Variants in STPG1 observed in about 807,000 individuals in gnomAD.
STPG1 encodes the protein O(6)-methylguanine-induced apoptosis 2.
In STPG1, 33 loss-of-function variants were observed where a neutral mutation model predicts 40.1. The observed-to-expected ratio is 0.82, with a 90% confidence interval of 0.62 to 1.10. The LOEUF (loss-of-function observed/expected upper bound fraction) is 1.10. Ranked by LOEUF, STPG1 falls within the 50% of genes least tolerant of loss-of-function variation. STPG1 has a pLI of 0.00. For synonymous variants in STPG1, 150 were observed against 155.0 expected (o/e 0.97, Z 0.24); for missense variants, 396 against 415.1 (o/e 0.95, Z 0.40).
intron 5 of STPG1, among the ~76,000 whole-genome samples, chr1:24,374,296 T>C (rs1641913969): frequency 7.7e-6 from 1 of 129,142 alleles, no homozygotes; most frequent in South Asian, 2.8e-4. Flanking sequence ...TCTTGCTCTG[T>C]CTCCCAGGCT....
Position 24,391,697 on chromosome 1 carries a change from A to T in STPG1, c.71-18T>A. ...AGTAAAACCTAAACAACAAAAATGG[A>T]GTAAAATCAAAATGAATACAAAACA... On this transcript the variant is annotated intron_variant, in intron 2 of 8. Coordinates refer to ENST00000337248, the MANE Select transcript of STPG1 (RefSeq NM_001199013.2). The T allele has an allele frequency of 2.0e-6, 3 of 1,480,822 alleles. No individual in the cohort carries two copies. The highest frequency in any genetic ancestry group is 2.8e-6 in the Non-Finnish European group (3 of 1,088,062). 91.7% of individuals were successfully genotyped at this position (1,480,822 alleles called of 1,614,324 possible). A position where few individuals can be genotyped will look rare whatever the true frequency, so the allele number is the denominator to read the frequency against.
intron 3 of STPG1, among the ~76,000 whole-genome samples, chr1:24,389,296 C>G (rs1642651186): frequency 2.0e-5 from 3 of 152,128 alleles, no homozygotes; most frequent in Non-Finnish European, 4.4e-5. Flanking sequence ...CGGTAGCTGA[C>G]ATCCTCCCCT....
In STPG1 at chr1:24,386,479, T is replaced by C. The variant is rs186815195; in HGVS notation, c.190-2476A>G. Among the ~76,000 whole-genome samples, 949 of 152,336 alleles carry C rather than the reference T, an allele frequency of 6.2e-3. 1 individual carries two copies. Among genetic ancestry groups the C allele is most frequent in the Admixed American group, 0.013 (194 of 15,306 alleles). On this transcript the variant is annotated intron_variant, in intron 3 of 8. Transcript: ENST00000337248. ...AAAAATTCCAAAATGTTGCTGCTGG[T>C]GGCTTGAAGTTGGCCACGGTGGCAG... is the stretch of plus-strand genomic sequence containing the variant.
chr1:24,358,572 CG>C lies in STPG1; in HGVS notation c.975del (p.Asn325LysfsTer45). ...AGAACCGGGATCCATTTCTTGTCCT[CG>C]TTGTAGAGGAAGGACTGCTTTCCTG... Reference protein sequence around the residue: ...ELPGKQSFLYNEDKKWIPVL With the variant: ...ELPGKQSFLYXEDKKWIPVL On this transcript the variant is annotated frameshift_variant, in exon 9 of 9. Coordinates refer to ENST00000337248, the MANE Select transcript of STPG1 (RefSeq NM_001199013.2). LOFTEE classifies it high-confidence loss of function. The C allele has an allele frequency of 6.2e-7, 1 of 1,614,100 alleles. No homozygotes were observed. Among genetic ancestry groups the C allele is most frequent in the Non-Finnish European group, 8.5e-7 (1 of 1,179,972 alleles).
intron 2 of STPG1, among the ~76,000 whole-genome samples, chr1:24,398,580 G>C (rs1420443229): frequency 6.6e-6 from 1 of 152,090 alleles, no homozygotes; most frequent in Non-Finnish European, 1.5e-5. Flanking sequence ...CAGATTACAA[G>C]ATTGTGTATG....
At chr1:24,398,927 A>C (rs1466097794) in intron 2 of STPG1, among the ~76,000 whole-genome samples, 1 of 152,140 alleles carries the variant, frequency 6.6e-6, no homozygotes, top group African/African-American at 2.4e-5. Flanking sequence ...TCTAGAATCA[A>C]TGCAATCCAA....
chr1:24,361,699 C>T (rs945120436), intron 7 of STPG1, among the ~76,000 whole-genome samples: 2 of 152,032 alleles, frequency 1.3e-5, no homozygotes, highest in Non-Finnish European at 2.9e-5. Flanking sequence ...CCACTCACAC[C>T]GCCATTGTTT....
At chr1:24,377,969 A>T (rs1457985442) in intron 5 of STPG1, among the ~76,000 whole-genome samples, 1 of 152,170 alleles carries the variant, frequency 6.6e-6, no homozygotes, top group Non-Finnish European at 1.5e-5. Flanking sequence ...TGATTAATAC[A>T]TAACTCTTAG....
At chr1:24,389,407 A>G (rs965825560) in intron 3 of STPG1, among the ~76,000 whole-genome samples, 1 of 152,086 alleles carries the variant, frequency 6.6e-6, no homozygotes, top group African/African-American at 2.4e-5. Context: ...GGTGTGGTGC[A>G]GTGTGTGGAA....
Position 24,358,618 on chromosome 1 carries a change from A to G in STPG1, c.930T>C (p.Ala310=). Reference sequence around the variant, plus strand: ...TTCCTGGAAGCTCTGGCTTGTACGTAGCTGTGAGGGGACAGAGAGGCGGAG... The same window carrying G: ...TTCCTGGAAGCTCTGGCTTGTACGTGGCTGTGAGGGGACAGAGAGGCGGAG... ...APPQPGLPGP[A]TYKPELPGKQ... Residue 310 remains alanine, a splice_region_variant and synonymous_variant, in exon 9 of 9, where the codon GCT becomes GCC. Coordinates refer to ENST00000337248, the MANE Select transcript of STPG1 (RefSeq NM_001199013.2). 1 of 1,612,592 alleles carries G rather than the reference A, an allele frequency of 6.2e-7. No individual in the cohort carries two copies. The highest frequency in any genetic ancestry group is 8.5e-7 in the Non-Finnish European group (1 of 1,178,718).
intron 5 of STPG1, among the ~76,000 whole-genome samples, chr1:24,375,426 T>C (rs1464250462): frequency 6.6e-6 from 1 of 152,156 alleles, no homozygotes; most frequent in Admixed American, 6.5e-5. Flanking sequence ...CATTTTGATT[T>C]TGTGTTTACA....
intron 1 of STPG1, among the ~76,000 whole-genome samples, 200 bp from the exon 2 acceptor site, chr1:24,401,656 T>G (rs375114408): frequency 2.0e-5 from 3 of 152,248 alleles, no homozygotes; most frequent in East Asian, 3.8e-4. Flanking sequence ...TCACTGTTGA[T>G]GTTGCTTACA....
intron 1 of STPG1, among the ~76,000 whole-genome samples, chr1:24,408,873 C>T (rs10489440): frequency 0.12 from 18,199 of 152,132 alleles, 1,177 homozygotes; most frequent in African/African-American, 0.15. Context: ...CAGTATTTTT[C>T]CTTACTTTAT....
At chr1:24,386,896 C>T (rs949751216) in intron 3 of STPG1, among the ~76,000 whole-genome samples, 2 of 152,192 alleles carry the variant, frequency 1.3e-5, no homozygotes, top group African/African-American at 4.8e-5. Flanking sequence ...TACTAGTGCT[C>T]TAGGGAAGCC....
At position 24,358,386 on chromosome 1, in the gene STPG1, G is replaced by A. The variant is rs1308951417; in HGVS notation, c.*157C>T. ...TCTCCAGCTCAAGACAAAGGCAATG[G>A]CAGCAGTCCGGCTAGGATGCCAGGC... On this transcript the variant is annotated 3_prime_UTR_variant, in exon 9 of 9. Transcript: ENST00000337248. 4.1e-6 allele frequency: 3 copies of A among 731,576 alleles called. No homozygotes were observed. Among genetic ancestry groups the A allele is most frequent in the Non-Finnish European group, 7.5e-6 (3 of 399,090 alleles). 45.3% of individuals were successfully genotyped at this position (731,576 alleles called of 1,614,324 possible).
At chr1:24,404,614 A>C (rs1480568882) in intron 1 of STPG1, among the ~76,000 whole-genome samples, 2 of 152,136 alleles carry the variant, frequency 1.3e-5, no homozygotes, top group Admixed American at 6.5e-5. Context: ...GGCTCTTCAG[A>C]TTATCTATTT....
chr1:24,403,059 T>C (rs953901361), intron 1 of STPG1, among the ~76,000 whole-genome samples: 1 of 152,216 alleles, frequency 6.6e-6, no homozygotes, highest in Non-Finnish European at 1.5e-5. Context: ...TCCTACATTT[T>C]CTTTTAGAAG....
At chr1:24,397,784 T>C (rs939271591) in intron 2 of STPG1, among the ~76,000 whole-genome samples, 2 of 152,102 alleles carry the variant, frequency 1.3e-5, no homozygotes, top group Admixed American at 1.3e-4. Flanking sequence ...ATATCAATAC[T>C]CCATTGCTTT....
At position 24,382,144 on chromosome 1, in the gene STPG1, G is replaced by A. The variant is rs193251465; in HGVS notation, c.291+1758C>T. Among the ~76,000 whole-genome samples the A allele has an allele frequency of 8.2e-4, 125 of 152,246 alleles. 1 individual carries two copies. In the South Asian group the frequency reaches 0.016, roughly 19 times the overall value. On this transcript the variant is annotated intron_variant, in intron 4 of 8. Transcript: ENST00000337248. ...TTCTGTAACACTCAGCTCTTGCCTTGGGCCCCTTCTCCTCCAGATAGTCAG... is the reference window on the plus strand; with the variant it reads ...TTCTGTAACACTCAGCTCTTGCCTTAGGCCCCTTCTCCTCCAGATAGTCAG...
Sources: allele counts gnomAD v4.1 joint callset (sites outside exome capture counted in the v4.1 genomes callset), GRCh38; gene constraint gnomAD v4.1.1; transcripts MANE v1.5; gene names NCBI Gene and HGNC (gene_info 2026-07-23, HGNC 2026-07-21).